The following RBM47 variants were observed in gnomAD, a reference collection of about 807,000 sequenced individuals.
RBM47 encodes the protein RNA binding motif protein 47.
A neutral mutation model predicts 47.1 loss-of-function variants in RBM47; 21 were observed. The observed-to-expected ratio is 0.45, with a 90% confidence interval of 0.32 to 0.64. The LOEUF (loss-of-function observed/expected upper bound fraction) is 0.64, where lower values mean the gene tolerates loss of function less well. RBM47 is among the 30% of genes least tolerant of loss of function. RBM47 has a pLI of 0.05. For missense variants in RBM47, 708 were observed against 870.9 expected, an observed-to-expected ratio of 0.81 and a Z score of 2.35; for synonymous variants, 375 against 361.7, an observed-to-expected ratio of 1.04 and a Z score of -0.42.
intron 3 of RBM47, among the ~76,000 whole-genome samples, chr4:40,443,577 C>T (rs985526937): frequency 4.0e-5 from 6 of 151,670 alleles, no homozygotes; most frequent in Non-Finnish European, 7.4e-5. Context: ...ATTAGCTGGG[C>T]GTGGTGGCAC....
intron 6 of RBM47, chr4:40,426,903 C>T (rs979042369): frequency 3.3e-5 from 5 of 152,160 alleles, no homozygotes; most frequent in African/African-American, 1.2e-4. Context: ...CCAGAGTGAG[C>T]TAGAGAAGGC....
intron 3 of RBM47, among the ~76,000 whole-genome samples, chr4:40,448,474 T>C (rs1714901975): frequency 6.6e-6 from 1 of 152,226 alleles, no homozygotes; most frequent in Admixed American, 6.5e-5. Context: ...ATCCAAGAGA[T>C]AATTCTATCT....
At chr4:40,610,098 AAAAC>A (rs569498014) in intron 1 of RBM47, among the ~76,000 whole-genome samples, 122 of 152,054 alleles carry the variant, frequency 8.0e-4, no homozygotes, top group Admixed American at 1.5e-3. Context: ...TCTCAAAATA[AAAAC>A]AAACAAACAA....
At position 40,570,426 on chromosome 4, in the gene RBM47, CATA is replaced by C. The variant is rs544541594; in HGVS notation, c.-239-25923_-239-25921del. 3.1e-3 allele frequency among the ~76,000 whole-genome samples: 474 copies of C among 151,896 alleles called. 9 individuals are homozygous for C. The highest frequency in any genetic ancestry group is 5.3e-3 in the Non-Finnish European group (362 of 67,862). ...AACCTAGACCCCTTTATGTGCAGTT[CATA>C]ATAGGCTTTACGCGCCTATGAGAAT... On this transcript the variant is annotated intron_variant, in intron 1 of 6. Coordinates refer to ENST00000295971, the MANE Select transcript of RBM47 (RefSeq NM_001098634.2).
intron 2 of RBM47, among the ~76,000 whole-genome samples, chr4:40,535,162 G>A (rs1727816240): frequency 6.6e-6 from 1 of 151,980 alleles, no homozygotes; most frequent in South Asian, 2.1e-4. Flanking sequence ...ACTTCCTTAT[G>A]CCTGGCATAT....
chr4:40,436,943 C>CA (rs59347616), intron 4 of RBM47: 11,555 of 347,910 alleles, frequency 0.033, no homozygotes, highest in South Asian at 0.055. Context: ...TCCCCCCCGC[C>CA]AAAAAAAAAA....
chr4:40,534,978 G>A (rs531268570), intron 2 of RBM47, among the ~76,000 whole-genome samples: 16 of 151,296 alleles, frequency 1.1e-4, no homozygotes, highest in Non-Finnish European at 1.8e-4. Flanking sequence ...TCAGACTGAC[G>A]TAGGTATGTG....
chr4:40,529,272 C>T (rs906562082), intron 2 of RBM47, among the ~76,000 whole-genome samples: 2 of 151,708 alleles, frequency 1.3e-5, no homozygotes, highest in Non-Finnish European at 2.9e-5. Flanking sequence ...TTTGGGGAGG[C>T]CAAGGTGGGC....
chr4:40,531,493 A>G (rs564868349), intron 2 of RBM47, among the ~76,000 whole-genome samples: 10 of 152,022 alleles, frequency 6.6e-5, no homozygotes, highest in African/African-American at 1.7e-4. Flanking sequence ...GGTCTGGGTT[A>G]TGACTTTGAA....
At chr4:40,432,985 G>A in intron 5 of RBM47, 123 bp from the exon 6 acceptor site, 1 of 1,365,118 alleles carries the variant, frequency 7.3e-7, no homozygotes, top group Non-Finnish European at 9.7e-7. Flanking sequence ...TTTTGAGACA[G>A]GGTCTCACTC....
chr4:40,558,506 C>T (rs1259933611), intron 1 of RBM47, among the ~76,000 whole-genome samples: 1 of 140,284 alleles, frequency 7.1e-6, no homozygotes, highest in African/African-American at 2.7e-5. Flanking sequence ...TGGTGAAACC[C>T]TGTCTCTATT....
intron 2 of RBM47, among the ~76,000 whole-genome samples, chr4:40,466,990 A>G (rs935524911): frequency 1.3e-5 from 2 of 152,194 alleles, no homozygotes; most frequent in African/African-American, 4.8e-5. Flanking sequence ...CCTTCTTCAG[A>G]GTGTGCATGA....
chr4:40,480,346 AG>A (rs780769319), intron 2 of RBM47, among the ~76,000 whole-genome samples: 49 of 152,294 alleles, frequency 3.2e-4, no homozygotes, highest in Non-Finnish European at 4.9e-4. Flanking sequence ...CCAGCAAATA[AG>A]TAGTGGAGTG....
intron 2 of RBM47, among the ~76,000 whole-genome samples, chr4:40,538,345 T>TTG (rs1728178543): frequency 1.3e-5 from 2 of 150,378 alleles, no homozygotes; most frequent in Admixed American, 6.6e-5. Context: ...TTTTTTTTTT[T>TTG]GAGACAGAGT....
chr4:40,608,646 G>A (rs931697696), intron 1 of RBM47, among the ~76,000 whole-genome samples: 2 of 152,226 alleles, frequency 1.3e-5, no homozygotes, highest in African/African-American at 4.8e-5. Flanking sequence ...AACTAGGCTT[G>A]ATGATGCTGG....
At chr4:40,550,292 G>A (rs894127394) in intron 1 of RBM47, among the ~76,000 whole-genome samples, 1 of 152,198 alleles carries the variant, frequency 6.6e-6, no homozygotes, top group African/African-American at 2.4e-5. Context: ...CCTTCGAGGG[G>A]AGACTGACTG....
intron 2 of RBM47, among the ~76,000 whole-genome samples, chr4:40,542,029 C>T (rs555495064): frequency 6.6e-6 from 1 of 152,250 alleles, no homozygotes; most frequent in Admixed American, 6.5e-5. Flanking sequence ...AGCTGATTAC[C>T]TTCCTTGGGG....
intron 2 of RBM47, among the ~76,000 whole-genome samples, chr4:40,504,238 A>G (rs6857898): frequency 0.83 from 125,314 of 151,418 alleles, 52,493 homozygotes; most frequent in African/African-American, 0.95. Context: ...GCATGTATGA[A>G]TAAGCTGGGG....
intron 2 of RBM47, among the ~76,000 whole-genome samples, chr4:40,520,771 A>G (rs1019634122): frequency 3.9e-5 from 6 of 152,140 alleles, no homozygotes; most frequent in Non-Finnish European, 8.8e-5. Context: ...GAAAGGGCCC[A>G]GGGGCTCTTG....
Sources: allele counts gnomAD v4.1 joint callset (sites outside exome capture counted in the v4.1 genomes callset), GRCh38; gene constraint gnomAD v4.1.1; transcripts MANE v1.5; gene names NCBI Gene and HGNC (gene_info 2026-07-23, HGNC 2026-07-21).